NR4A2: variants seen among roughly 807,000 people sequenced by gnomAD.
NR4A2 encodes nuclear receptor subfamily 4 group A member 2, also known as NGFI-B/nur77 beta-type transcription factor homolog.
A neutral mutation model predicts 50.5 loss-of-function variants in NR4A2; 1 was observed. The observed-to-expected ratio is 0.02, with a 90% CI of 0.01 to 0.09. The LOEUF (loss-of-function observed/expected upper bound fraction) is 0.09. Among genes scored for constraint, NR4A2 ranks in the 10% least tolerant of loss-of-function variants. NR4A2 has a pLI of 1.00. For synonymous variants in NR4A2, 328 were observed against 309.4 expected (o/e 1.06, Z -0.63); for missense variants, 613 against 777.3 (o/e 0.79, Z 2.51).
rs267598933 is a variant in NR4A2, at chr2:156,329,935, G to A, written c.252C>T (p.Ser84=). Residue 84 remains serine, a synonymous_variant, in exon 3 of 8, where the codon TCC becomes TCT. Coordinates refer to ENST00000339562, the MANE Select transcript of NR4A2 (RefSeq NM_006186.4). The surrounding 1 kb of genome is among the most constrained non-coding windows in gnomAD (Gnocchi z 7.5). ...CTACCTTAATGGAGGACTGCTGTCC[G>A]GACAGGGGCATTTGGTACAAGCAAG... ...KPPCLYQMPL[S]GQQSSIKVED... is the part of the protein sequence containing the mutation. The A allele has an allele frequency of 3.7e-6, 6 of 1,614,056 alleles. No individual in the cohort carries two copies. Among genetic ancestry groups the A allele is most frequent in the African/African-American group, 1.3e-5 (1 of 74,914 alleles).
chr2:156,328,277 G>A lies in NR4A2; in HGVS notation c.994+127C>T. ...GGCCGGGCAAGCAGGCAGCTGCAGG[G>A]TCCTGGAGGCCATACTGAGGGGGAG... On this transcript the variant is annotated intron_variant, in intron 4 of 7. Coordinates refer to ENST00000339562, the MANE Select transcript of NR4A2 (RefSeq NM_006186.4). This position sits in a 1 kb window ranked among gnomAD's most constrained non-coding sequence, Gnocchi z 4.9. 1 of 1,484,878 alleles carries A rather than the reference G, an allele frequency of 6.7e-7. No individual in the cohort carries two copies. Among genetic ancestry groups the A allele is most frequent in the Non-Finnish European group, 9.4e-7 (1 of 1,067,136 alleles). 92.0% of individuals were successfully genotyped at this position (1,484,878 alleles called of 1,614,324 possible).
chr2:156,328,607 G>A lies in NR4A2; in HGVS notation c.865-74C>T. On this transcript the variant is annotated intron_variant, in intron 3 of 7. Transcript: ENST00000339562. The surrounding 1 kb of genome is among the most constrained non-coding windows in gnomAD (Gnocchi z 4.9). The stretch of plus-strand genomic sequence containing the variant: ...ATCAGGCAACTCGGAGAAAATTTCT[G>A]TTATGTGACTGGGGTCTACGATTCC... 6.3e-7 allele frequency: 1 copy of A among 1,587,650 alleles called. No homozygotes were observed. The highest frequency in any genetic ancestry group is 1.1e-5 in the South Asian group (1 of 90,188).
intron 1 of NR4A2, 118 bp from the exon 2 acceptor site, chr2:156,330,909 G>T: frequency 1.1e-6 from 1 of 872,148 alleles, no homozygotes; most frequent in Non-Finnish European, 1.5e-6. Context: ...TTGGAAATGA[G>T]TGGGAAGCCT....
In NR4A2 at chr2:156,327,881, G is replaced by A; in HGVS notation, c.1128C>T (p.Asn376=). ...SALVRAHVDS[N]PAMTSLDYSR... is the part of the protein sequence containing the mutation. ...AATAGTCCAGGCTGGTCATAGCCGGGTTGGAGTCGACATGGGCCCTGACGA... is the reference window on the plus strand; with the variant it reads ...AATAGTCCAGGCTGGTCATAGCCGGATTGGAGTCGACATGGGCCCTGACGA... Residue 376 remains asparagine (N), a synonymous_variant, in exon 5 of 8, where the codon AAC becomes AAT. Transcript: ENST00000339562. 3 of 1,591,202 alleles carry A rather than the reference G, an allele frequency of 1.9e-6. No individual in the cohort carries two copies. The highest frequency in any genetic ancestry group is 2.6e-6 in the Non-Finnish European group (3 of 1,168,014).
In NR4A2 at chr2:156,330,183, G is replaced by A; in HGVS notation, c.4C>T (p.Pro2Ser). The A allele has an allele frequency of 6.2e-7, 1 of 1,614,138 alleles. No individual in the cohort carries two copies. Residue 2 changes from proline (P) to serine (S), a missense_variant, in exon 3 of 8, where the codon CCT (proline) becomes TCT (serine). Transcript: ENST00000339562. The part of the protein sequence containing the change: M[P>S]CVQAQYGSSP... ...GACCCATACTGCGCCTGAACACAAG[G>A]CATGGCTGGAAATGAAACAGGGTGA...
In NR4A2 at chr2:156,332,481, TAGG is replaced by T. The variant is rs1270893388; in HGVS notation, c.-131_-129del. On this transcript the variant is annotated splice_region_variant and 5_prime_UTR_variant, in exon 1 of 8. The change creates a premature stop within an existing upstream ORF in the 5' untranslated region. Coordinates refer to ENST00000339562, the MANE Select transcript of NR4A2 (RefSeq NM_006186.4). ...ACTGCATGGGCTGCATCTACTCACTTAGGAGTTCTCCGCGTCTGTCTTCATTCA... is the reference window on the plus strand; with the variant it reads ...ACTGCATGGGCTGCATCTACTCACTTAGTTCTCCGCGTCTGTCTTCATTCA... 7.8e-7 allele frequency: 1 copy of T among 1,289,028 alleles called. No individual in the cohort carries two copies. Among genetic ancestry groups the T allele is most frequent in the Non-Finnish European group, 1.0e-6 (1 of 988,628 alleles). 79.8% of individuals were successfully genotyped at this position (1,289,028 alleles called of 1,614,324 possible).
rs1220114792 is a variant in NR4A2, at chr2:156,329,803, C to G, written c.384G>C (p.Pro128=). 2 of 1,613,532 alleles carry G rather than the reference C, an allele frequency of 1.2e-6. No individual in the cohort carries two copies. The highest frequency in any genetic ancestry group is 1.7e-6 in the Non-Finnish European group (2 of 1,179,562). The change falls in exon 3 of 8, where the codon CCG becomes CCC. Residue 128 remains proline (P), a synonymous_variant. Transcript: ENST00000339562. The surrounding 1 kb of genome is among the most constrained non-coding windows in gnomAD (Gnocchi z 7.5). Reference sequence around the variant, plus strand: ...CCTGGAAGCCCGGGGTGGTGGGCGTCGGGGGCGAGGAGGGCTTGTAGTAAA... The same window carrying G: ...CCTGGAAGCCCGGGGTGGTGGGCGTGGGGGGCGAGGAGGGCTTGTAGTAAA... ...GSVYYKPSSP[P]TPTTPGFQVQ...
chr2:156,331,430 T>A (rs890635773), intron 1 of NR4A2, among the ~76,000 whole-genome samples: 1 of 152,190 alleles, frequency 6.6e-6, no homozygotes, highest in African/African-American at 2.4e-5. Context: ...TCTTTAATGG[T>A]CACAAGGCTT....
chr2:156,327,711 C>A, intron 5 of NR4A2, 140 bp downstream of exon 5: 1 of 1,026,008 alleles, frequency 9.7e-7, no homozygotes, highest in Non-Finnish European at 1.5e-6. Flanking sequence ...TCTTGAGGCC[C>A]TGGCCAGAGC....
chr2:156,326,706 C>A lies in NR4A2; in HGVS notation c.1361+12G>T. On this transcript the variant is annotated intron_variant, in intron 6 of 7. Coordinates refer to ENST00000339562, the MANE Select transcript of NR4A2 (RefSeq NM_006186.4). The surrounding 1 kb of genome is among the most constrained non-coding windows in gnomAD (Gnocchi z 4.2). ...CAGCCTCCCTGGATTGTCTCCCTCC[C>A]TCCCTTATTACCTGTATGCTAATCG... is the stretch of plus-strand genomic sequence containing the variant. The A allele has an allele frequency of 6.2e-7, 1 of 1,612,816 alleles. No homozygotes were observed. The highest frequency in any genetic ancestry group is 1.1e-5 in the South Asian group (1 of 91,038).
Position 156,332,483 on chromosome 2 carries a change from G to C in NR4A2, c.-130C>G, listed in dbSNP as rs937250182. On this transcript the variant is annotated 5_prime_UTR_variant, in exon 1 of 8. Coordinates refer to ENST00000339562, the MANE Select transcript of NR4A2 (RefSeq NM_006186.4). ...TGCATGGGCTGCATCTACTCACTTA[G>C]GAGTTCTCCGCGTCTGTCTTCATTC... The C allele has an allele frequency of 1.6e-6, 2 of 1,289,072 alleles. No homozygotes were observed. The highest frequency in any genetic ancestry group is 2.3e-5 in the Admixed American group (1 of 43,546). 79.9% of individuals were successfully genotyped at this position (1,289,072 alleles called of 1,614,324 possible). A position where few individuals can be genotyped will look rare whatever the true frequency, so the allele number is the denominator to read the frequency against.
rs568311354 is a variant in NR4A2 at position 156,329,568 on chromosome 2, C to A, written c.619G>T (p.Ala207Ser). 3 of 1,602,214 alleles carry A rather than the reference C, an allele frequency of 1.9e-6. No individual in the cohort carries two copies. Among genetic ancestry groups the A allele is most frequent in the Non-Finnish European group, 2.6e-6 (3 of 1,173,174 alleles). Residue 207 changes from alanine (A) to serine (S), a missense_variant, in exon 3 of 8, where the codon GCC (alanine) becomes TCC (serine). By Grantham distance (99) the Ala-to-Ser change is moderately conservative (BLOSUM62 1). Coordinates refer to ENST00000339562, the MANE Select transcript of NR4A2 (RefSeq NM_006186.4). The surrounding 1 kb of genome is among the most constrained non-coding windows in gnomAD (Gnocchi z 7.5). Reference protein sequence around the residue: ...PLHVPMNPEPAGSHHVVDGQT... With the variant: ...PLHVPMNPEPSGSHHVVDGQT... ...CCGTCCACCACGTGGTGGCTGCCGGCGGGCTCCGGGTTCATGGGGACGTGC... is the reference window on the plus strand; with the variant it reads ...CCGTCCACCACGTGGTGGCTGCCGGAGGGCTCCGGGTTCATGGGGACGTGC...
In NR4A2 at chr2:156,329,190, G is replaced by C. The variant is rs1686792446; in HGVS notation, c.864+133C>G. ...CCATGGTCTCCTGCAGGGCAGCTTCGGCGGACCCCGGAGAGCTGGGCAGTC... is the reference window on the plus strand; with the variant it reads ...CCATGGTCTCCTGCAGGGCAGCTTCCGCGGACCCCGGAGAGCTGGGCAGTC... On this transcript the variant is annotated intron_variant, in intron 3 of 7. Transcript: ENST00000339562. This position sits in a 1 kb window ranked among gnomAD's most constrained non-coding sequence, Gnocchi z 7.5. 3.0e-6 allele frequency: 4 copies of C among 1,332,092 alleles called. No homozygotes were observed. The South Asian group carries it at 3.8e-5, about 13-fold the overall frequency. The allele number at this position is 1,332,092 out of a possible 1,614,324, so 82.5% of individuals were successfully genotyped here. A position where few individuals can be genotyped will look rare whatever the true frequency, so the allele number is the denominator to read the frequency against.
At chr2:156,331,159 A>C (rs1686904335) in intron 1 of NR4A2, among the ~76,000 whole-genome samples, 1 of 152,216 alleles carries the variant, frequency 6.6e-6, no homozygotes, top group Non-Finnish European at 1.5e-5. Context: ...AGAGTATGAA[A>C]ATACAGCATT....
chr2:156,329,221 A>G lies in NR4A2; in HGVS notation c.864+102T>C, dbSNP rs1686794992. On this transcript the variant is annotated intron_variant, in intron 3 of 7. Transcript: ENST00000339562. The surrounding 1 kb of genome is among the most constrained non-coding windows in gnomAD (Gnocchi z 7.5). ...CCCCGGAGAGCTGGGCAGTCCCGGG[A>G]GAGCTGGGGCTGGGCTACTGGCACC... 2 of 1,497,154 alleles carry G rather than the reference A, an allele frequency of 1.3e-6. No homozygotes were observed. Among genetic ancestry groups the G allele is most frequent in the Non-Finnish European group, 1.8e-6 (2 of 1,103,004 alleles). The allele number at this position is 1,497,154 out of a possible 1,614,324, so 92.7% of individuals were successfully genotyped here.
Position 156,324,447 on chromosome 2 carries a change from T to G in NR4A2, c.*1297A>C, listed in dbSNP as rs1686551981. Reference sequence around the variant, plus strand: ...GAAGACAAAATTCTGTTCATTTACATGGTTTATTGTTGTAAACATTAAAAT... The same window carrying G: ...GAAGACAAAATTCTGTTCATTTACAGGGTTTATTGTTGTAAACATTAAAAT... On this transcript the variant is annotated 3_prime_UTR_variant, in exon 8 of 8. Transcript: ENST00000339562. 6.6e-6 allele frequency: 1 copy of G among 152,336 alleles called. No individual in the cohort carries two copies. 9.4% of individuals were successfully genotyped at this position (152,336 alleles called of 1,614,324 possible).
In NR4A2 at chr2:156,327,957, C is replaced by A. The variant is rs1686729672; in HGVS notation, c.1052G>T (p.Ser351Ile). The A allele has an allele frequency of 1.2e-6, 2 of 1,600,088 alleles. No individual in the cohort carries two copies. The highest frequency in any genetic ancestry group is 1.7e-6 in the Non-Finnish European group (2 of 1,172,424). ...RRGRLPSKPK[S>I]PQEPSPPSPP... is the part of the protein sequence containing the mutation. ...CGAAGGGGGAGAGGGCTCCTGTGGG[C>A]TCTTCGGTTTCGAGGGCAAACGACC... is the stretch of plus-strand genomic sequence containing the variant. Residue 351 changes from serine (S) to isoleucine (I), a missense_variant, in exon 5 of 8, where the codon AGC becomes ATC. Physicochemically the swap from Ser to Ile is moderately radical, Grantham distance 142 (BLOSUM62 -2). Transcript: ENST00000339562.
rs751643950 is a variant in NR4A2 at position 156,329,682 on chromosome 2, G to A, written c.505C>T (p.Pro169Ser). 1 of 1,614,034 alleles carries A rather than the reference G, an allele frequency of 6.2e-7. No individual in the cohort carries two copies. Among genetic ancestry groups the A allele is most frequent in the Non-Finnish European group, 8.5e-7 (1 of 1,179,928 alleles). The change falls in exon 3 of 8, where the codon CCA becomes TCA. Residue 169 changes from proline to serine, a missense_variant. Pro to Ser is a moderately conservative substitution (Grantham distance 74). Transcript: ENST00000339562. The surrounding 1 kb of genome is among the most constrained non-coding windows in gnomAD (Gnocchi z 7.5). The stretch of plus-strand genomic sequence containing the variant: ...GAGAAGAGGGAGAGGCGGGAGACTG[G>A]CGTTTTCCTCTGCTCGATCATGTGC... ...TTHMIEQRKT[P>S]VSRLSLFSFK...
At position 156,329,964 on chromosome 2, in the gene NR4A2, G is replaced by T; in HGVS notation, c.223C>A (p.Pro75Thr). 1.2e-6 allele frequency: 2 copies of T among 1,614,232 alleles called. No individual in the cohort carries two copies. The highest frequency in any genetic ancestry group is 1.7e-6 in the Non-Finnish European group (2 of 1,180,056). ...DNYSTGYDVKPPCLYQMPLSG... is the reference protein window; with the variant it reads ...DNYSTGYDVKTPCLYQMPLSG... Reference sequence around the variant, plus strand: ...AGGGGCATTTGGTACAAGCAAGGTGGCTTGACGTCGTAGCCTGTGCTGTAG... The same window carrying T: ...AGGGGCATTTGGTACAAGCAAGGTGTCTTGACGTCGTAGCCTGTGCTGTAG... The change falls in exon 3 of 8, where the codon CCA becomes ACA. Residue 75 changes from proline (P) to threonine (T), a missense_variant. Pro to Thr is a conservative substitution (Grantham distance 38). This residue lies in a region of NR4A2 where 61 missense variants were observed against 96.4 expected (regional missense o/e 0.63). Coordinates refer to ENST00000339562, the MANE Select transcript of NR4A2 (RefSeq NM_006186.4). This position sits in a 1 kb window ranked among gnomAD's most constrained non-coding sequence, Gnocchi z 7.5.
Sources: allele counts gnomAD v4.1 joint callset (sites outside exome capture counted in the v4.1 genomes callset), GRCh38; gene constraint gnomAD v4.1.1; regional missense constraint gnomAD v4.1.1; non-coding constraint Gnocchi (gnomAD v3.1); transcripts MANE v1.5; gene names NCBI Gene and HGNC (gene_info 2026-07-23, HGNC 2026-07-21).